The following CHRM2 variants were observed in gnomAD, a reference collection of about 807,000 sequenced individuals.
CHRM2 encodes the protein cholinergic receptor muscarinic 2, also known as muscarinic acetylcholine receptor M2.
A neutral mutation model predicts 25.0 loss-of-function variants in CHRM2; 8 were observed. The ratio of observed to expected loss-of-function variants is 0.32; its 90% confidence interval spans 0.19 to 0.58. CHRM2 has a LOEUF of 0.58. Among genes scored for constraint, CHRM2 ranks in the 20% least tolerant of loss-of-function variants. CHRM2 has a pLI of 0.88. For missense variants in CHRM2, 440 were observed against 567.1 expected (o/e 0.78, Z 2.28); for synonymous variants, 202 against 205.7 (o/e 0.98, Z 0.15).
intron 2 of CHRM2, among the ~76,000 whole-genome samples, chr7:136,912,684 A>G (rs1797906109): frequency 1.3e-5 from 2 of 151,942 alleles, no homozygotes; most frequent in Non-Finnish European, 2.9e-5. Flanking sequence ...CTAAAGTGCT[A>G]TTATTTTTGA....
intron 2 of CHRM2, among the ~76,000 whole-genome samples, chr7:136,917,671 G>T (rs540373810): frequency 6.6e-6 from 1 of 152,134 alleles, no homozygotes; most frequent in South Asian, 2.1e-4. Context: ...ACCCAACTGC[G>T]AATCAATATC....
At chr7:136,920,677 T>C (rs938903343) in intron 2 of CHRM2, among the ~76,000 whole-genome samples, 2 of 152,130 alleles carry the variant, frequency 1.3e-5, no homozygotes, top group African/African-American at 4.8e-5. Context: ...GGAAAAGCAA[T>C]TATAGCCACC....
intron 2 of CHRM2, among the ~76,000 whole-genome samples, chr7:136,935,727 C>T (rs1799374927): frequency 6.6e-6 from 1 of 152,078 alleles, no homozygotes; most frequent in Non-Finnish European, 1.5e-5. Flanking sequence ...GATCATTACT[C>T]CATTAGGATT....
intron 2 of CHRM2, among the ~76,000 whole-genome samples, chr7:136,928,375 T>C (rs1258435599): frequency 1.3e-5 from 2 of 152,320 alleles, no homozygotes; most frequent in East Asian, 3.9e-4. Flanking sequence ...ATATCTAGCA[T>C]AGAGACTGGA....
At chr7:137,001,740 A>G (rs373697471) in intron 3 of CHRM2, among the ~76,000 whole-genome samples, 6 of 152,218 alleles carry the variant, frequency 3.9e-5, no homozygotes, top group South Asian at 2.1e-4. Context: ...GCCTGCTCTA[A>G]CCTGGTTACG....
chr7:136,913,359 A>G (rs1206980028), intron 2 of CHRM2, among the ~76,000 whole-genome samples: 1 of 151,986 alleles, frequency 6.6e-6, no homozygotes, highest in Non-Finnish European at 1.5e-5. Flanking sequence ...GTTATTTAAA[A>G]GAATCCATTT....
chr7:136,904,685 C>G (rs1797436484), intron 2 of CHRM2, among the ~76,000 whole-genome samples: 1 of 151,530 alleles, frequency 6.6e-6, no homozygotes, highest in African/African-American at 2.4e-5. Context: ...TTTGATACTT[C>G]TTCTTTAATA....
At chr7:136,968,601 C>T (rs1657266384) in intron 2 of CHRM2, among the ~76,000 whole-genome samples, 1 of 151,292 alleles carries the variant, frequency 6.6e-6, no homozygotes, top group Admixed American at 6.6e-5. Flanking sequence ...GTATTATTCA[C>T]AACAGCCAAG....
At chr7:136,908,703 A>C (rs1797684648) in intron 2 of CHRM2, among the ~76,000 whole-genome samples, 1 of 151,990 alleles carries the variant, frequency 6.6e-6, no homozygotes, top group South Asian at 2.1e-4. Flanking sequence ...TCTGATTTTC[A>C]AAGCCAAATT....
chr7:136,938,272 T>C, intron 2 of CHRM2: 2 of 915,614 alleles, frequency 2.2e-6, no homozygotes, highest in African/African-American at 1.6e-5. Context: ...AAAAGAAGAG[T>C]GCTTCAGCTG....
chr7:136,986,141 A>G (rs2130997162), intron 2 of CHRM2, among the ~76,000 whole-genome samples: 1 of 152,330 alleles, frequency 6.6e-6, no homozygotes, highest in African/African-American at 2.4e-5. Context: ...ACAGTGATGG[A>G]AATGGAGAGG....
intron 2 of CHRM2, among the ~76,000 whole-genome samples, chr7:136,877,120 G>C (rs1200420168): frequency 6.6e-6 from 1 of 152,076 alleles, no homozygotes; most frequent in Non-Finnish European, 1.5e-5. Context: ...AAAGAAGATA[G>C]GATGTACAAC....
intron 2 of CHRM2, among the ~76,000 whole-genome samples, chr7:136,963,383 A>G (rs1288373063): frequency 6.6e-6 from 1 of 152,176 alleles, no homozygotes; most frequent in Non-Finnish European, 1.5e-5. Flanking sequence ...GCTCTTGAGG[A>G]ACTTACAATT....
chr7:136,870,236 C>T (rs1795766408), intron 2 of CHRM2: 1 of 152,448 alleles, frequency 6.6e-6, no homozygotes, highest in Admixed American at 6.5e-5. Context: ...GACTGGGGAC[C>T]GCTGCACCCC....
Position 137,015,466 on chromosome 7 carries a change from A to G in CHRM2, c.601A>G (p.Ile201Val). 1 of 1,613,376 alleles carries G rather than the reference A, an allele frequency of 6.2e-7. No individual in the cohort carries two copies. Among genetic ancestry groups the G allele is most frequent in the Non-Finnish European group, 8.5e-7 (1 of 1,179,630 alleles). Reference sequence around the variant, plus strand: ...TGCAGCCTTCTATTTGCCAGTGATCATCATGACTGTGCTATATTGGCACAT... The same window carrying G: ...TGCAGCCTTCTATTTGCCAGTGATCGTCATGACTGTGCTATATTGGCACAT... ...AIAAFYLPVI[I>V]MTVLYWHISR... Residue 201 changes from isoleucine to valine, a missense_variant, in exon 4 of 4, where the codon ATC (isoleucine) becomes GTC (valine). Ile to Val is a conservative substitution (Grantham distance 29). This residue lies in a region of CHRM2 where 261 missense variants were observed against 261.8 expected (regional missense o/e 1.00). Transcript: ENST00000680005. The surrounding 1 kb of genome is among the most constrained non-coding windows in gnomAD (Gnocchi z 5.1).
At chr7:136,968,777 C>G (rs1162374655) in intron 2 of CHRM2, among the ~76,000 whole-genome samples, 1 of 141,308 alleles carries the variant, frequency 7.1e-6, no homozygotes, top group Non-Finnish European at 1.6e-5. Context: ...CCTTAAAAAA[C>G]AAATACATTT....
At chr7:136,939,038 G>A (rs945064856) in intron 2 of CHRM2, among the ~76,000 whole-genome samples, 3 of 146,188 alleles carry the variant, frequency 2.1e-5, no homozygotes, top group African/African-American at 7.5e-5. Flanking sequence ...TTACTTTAGT[G>A]TAGGAAACCT....
At chr7:136,949,533 TG>T (rs986113833) in intron 2 of CHRM2, among the ~76,000 whole-genome samples, 4 of 145,220 alleles carry the variant, frequency 2.8e-5, no homozygotes, top group African/African-American at 1.0e-4. Flanking sequence ...GAGGCTGAGG[TG>T]GGAGGATTGC....
At chr7:136,982,703 C>T (rs774404694) in intron 2 of CHRM2, among the ~76,000 whole-genome samples, 10 of 152,080 alleles carry the variant, frequency 6.6e-5, no homozygotes, top group Non-Finnish European at 1.2e-4. Flanking sequence ...ACTTATGAAG[C>T]TTATTTTGGC....
Sources: gnomAD v4.1 joint callset for allele counts (sites outside exome capture counted in the v4.1 genomes callset) on GRCh38, gnomAD v4.1.1 for gene constraint, gnomAD v4.1.1 regional missense constraint, Gnocchi (gnomAD v3.1) non-coding constraint, MANE v1.5 for transcripts, NCBI Gene and HGNC (gene_info 2026-07-23, HGNC 2026-07-21) for gene names.